Variants in VAMP4 observed in about 807,000 individuals in gnomAD.
The protein encoded by VAMP4 is vesicle-associated membrane protein 4.
In VAMP4, 19 loss-of-function variants were observed where a neutral mutation model predicts 23.5. The observed-to-expected ratio is 0.81, with a 90% CI of 0.56 to 1.19. The LOEUF (loss-of-function observed/expected upper bound fraction) is 1.19, where lower values mean the gene tolerates loss of function less well. Ranked by LOEUF, VAMP4 falls within the 50% of genes most tolerant of loss-of-function variation. VAMP4 has a pLI of 0.00. For missense variants in VAMP4, 145 were observed against 168.6 expected, an observed-to-expected ratio of 0.86 and a Z score of 0.78; for synonymous variants, 31 against 51.0, an observed-to-expected ratio of 0.61 and a Z score of 1.67.
chr1:171,729,984 C>T (rs995573273), intron 2 of VAMP4, among the ~76,000 whole-genome samples: 1 of 152,004 alleles, frequency 6.6e-6, no homozygotes, highest in Non-Finnish European at 1.5e-5. Context: ...CAGAGACAGA[C>T]AGACATTACA....
intron 6 of VAMP4, 90 bp from the exon 7 acceptor site, chr1:171,706,508 A>G: frequency 8.1e-7 from 1 of 1,235,004 alleles, no homozygotes; most frequent in Non-Finnish European, 1.1e-6. Context: ...ATCATACTAA[A>G]TCATCTCATC....
intron 6 of VAMP4, 78 bp from the exon 7 acceptor site, chr1:171,706,496 G>C: frequency 1.5e-6 from 2 of 1,351,018 alleles, no homozygotes; most frequent in Non-Finnish European, 2.0e-6. Context: ...TCTATTTACT[G>C]CATCATACTA....
chr1:171,701,944 A>C lies in VAMP4; in HGVS notation c.*2562T>G, dbSNP rs917107106. 5 of 152,284 alleles carry C rather than the reference A, an allele frequency of 3.3e-5. No individual in the cohort carries two copies. The highest frequency in any genetic ancestry group is 5.9e-5 in the Non-Finnish European group (4 of 67,968). 9.4% of individuals were successfully genotyped at this position (152,284 alleles called of 1,614,324 possible). A position where few individuals can be genotyped will look rare whatever the true frequency, so the allele number is the denominator to read the frequency against. ...TCACAAAGGTATGGATTCAGGCATC[A>C]AAATAGTGACGTGATTTCACTGAGT... On this transcript the variant is annotated 3_prime_UTR_variant, in exon 8 of 8. Coordinates refer to ENST00000236192, the MANE Select transcript of VAMP4 (RefSeq NM_003762.5).
intron 1 of VAMP4, among the ~76,000 whole-genome samples, chr1:171,739,390 C>A (rs1012677909): frequency 6.6e-6 from 1 of 152,226 alleles, no homozygotes; most frequent in African/African-American, 2.4e-5. Flanking sequence ...CACAGAAGCT[C>A]TGTACCCCTT....
chr1:171,724,151 G>GGATGAGTT (rs1219542317), intron 3 of VAMP4, among the ~76,000 whole-genome samples: 6 of 152,056 alleles, frequency 3.9e-5, no homozygotes, highest in Non-Finnish European at 8.8e-5. Flanking sequence ...CCATAAAAAA[G>GGATGAGTT]GATGAGTTCA....
At chr1:171,728,776 A>T (rs1425491580) in intron 2 of VAMP4, among the ~76,000 whole-genome samples, 1 of 152,238 alleles carries the variant, frequency 6.6e-6, no homozygotes, top group African/African-American at 2.4e-5. Flanking sequence ...GCTCATAATT[A>T]TAGAATCCTA....
At chr1:171,706,135 G>A (rs934203977) in intron 7 of VAMP4, among the ~76,000 whole-genome samples, 1 of 151,940 alleles carries the variant, frequency 6.6e-6, no homozygotes, top group Non-Finnish European at 1.5e-5. Context: ...TCTGACAAAA[G>A]ATATAGACCC....
intron 1 of VAMP4, among the ~76,000 whole-genome samples, chr1:171,738,944 G>C (rs961560604): frequency 6.6e-6 from 1 of 152,162 alleles, no homozygotes; most frequent in South Asian, 2.1e-4. Flanking sequence ...AAAATATTCT[G>C]CAAACTATAA....
chr1:171,717,974 G>T (rs1160159154), intron 4 of VAMP4, among the ~76,000 whole-genome samples: 3 of 152,092 alleles, frequency 2.0e-5, no homozygotes, highest in Non-Finnish European at 4.4e-5. Flanking sequence ...TCCTGAGTTG[G>T]TCATACCTGG....
At chr1:171,738,608 G>A in intron 1 of VAMP4, 145 bp from the exon 2 acceptor site, 1 of 579,792 alleles carries the variant, frequency 1.7e-6, no homozygotes, top group Non-Finnish European at 3.0e-6. Context: ...TTCCACTCCA[G>A]TGACTGGGGC....
chr1:171,715,115 G>A (rs57089756), intron 4 of VAMP4, among the ~76,000 whole-genome samples: 10,096 of 152,236 alleles, frequency 0.066, 470 homozygotes, highest in African/African-American at 0.13. Context: ...GGATGTGGGT[G>A]AAGGAATTGG....
intron 4 of VAMP4, among the ~76,000 whole-genome samples, chr1:171,712,672 C>T (rs1391590475): frequency 6.6e-6 from 1 of 152,118 alleles, no homozygotes; most frequent in Non-Finnish European, 1.5e-5. Flanking sequence ...TGAAAGAACC[C>T]CTAAATCTCT....
chr1:171,727,173 G>A (rs1655398795), intron 3 of VAMP4, among the ~76,000 whole-genome samples: 1 of 141,960 alleles, frequency 7.0e-6, no homozygotes, highest in Non-Finnish European at 1.5e-5. Flanking sequence ...CCAGTAGTTT[G>A]AAGCTGTGGT....
chr1:171,701,867 T>G lies in VAMP4; in HGVS notation c.*2639A>C, dbSNP rs1429688219. 2.6e-5 allele frequency: 4 copies of G among 152,146 alleles called. No individual in the cohort carries two copies. The highest frequency in any genetic ancestry group is 5.9e-5 in the Non-Finnish European group (4 of 67,974). The allele number at this position is 152,146 out of a possible 1,614,324, so 9.4% of individuals were successfully genotyped here. On this transcript the variant is annotated 3_prime_UTR_variant, in exon 8 of 8. Coordinates refer to ENST00000236192, the MANE Select transcript of VAMP4 (RefSeq NM_003762.5). ...AGAAGGAGTAACCAATTAATCAGTATTATAACAACAAAATTGCTGCAAGGC... is the reference window on the plus strand; with the variant it reads ...AGAAGGAGTAACCAATTAATCAGTAGTATAACAACAAAATTGCTGCAAGGC...
chr1:171,727,623 A>G (rs1466514267), intron 3 of VAMP4, among the ~76,000 whole-genome samples: 1 of 152,216 alleles, frequency 6.6e-6, no homozygotes, highest in East Asian at 1.9e-4. Context: ...AATAGCATAT[A>G]TCCACACAAA....
rs1654468222 is a variant in VAMP4, at chr1:171,702,020, G to A, written c.*2486C>T. The A allele has an allele frequency of 6.6e-6, 1 of 151,994 alleles. No homozygotes were observed. Among genetic ancestry groups the A allele is most frequent in the Admixed American group, 6.5e-5 (1 of 15,268 alleles). The allele number at this position is 151,994 out of a possible 1,614,324, so 9.4% of individuals were successfully genotyped here. On this transcript the variant is annotated 3_prime_UTR_variant, in exon 8 of 8. Coordinates refer to ENST00000236192, the MANE Select transcript of VAMP4 (RefSeq NM_003762.5). ...TGAATTTTTCTGTTGATCTTCACTT[G>A]TTGTTAAATAATGATAGTTTTGATG...
rs187459798 is a variant in VAMP4 at position 171,701,760 on chromosome 1, T to A, written c.*2746A>T. 2 of 152,110 alleles carry A rather than the reference T, an allele frequency of 1.3e-5. No individual in the cohort carries two copies. The highest frequency in any genetic ancestry group is 2.4e-5 in the African/African-American group (1 of 41,444). 9.4% of individuals were successfully genotyped at this position (152,110 alleles called of 1,614,324 possible). A position where few individuals can be genotyped will look rare whatever the true frequency, so the allele number is the denominator to read the frequency against. ...TTATCTAATTAAGAAATCCCCCAGT[T>A]TATAAAATCTGAGGGCAATTTCCAG... On this transcript the variant is annotated 3_prime_UTR_variant, in exon 8 of 8. Coordinates refer to ENST00000236192, the MANE Select transcript of VAMP4 (RefSeq NM_003762.5).
rs565376519 is a variant in VAMP4 at position 171,702,149 on chromosome 1, A to G, written c.*2357T>C. 6.6e-6 allele frequency: 1 copy of G among 152,064 alleles called. No individual in the cohort carries two copies. Among genetic ancestry groups the G allele is most frequent in the Non-Finnish European group, 1.5e-5 (1 of 67,930 alleles). The allele number at this position is 152,064 out of a possible 1,614,324, so 9.4% of individuals were successfully genotyped here. ...TAGGCCTGGCATCAGTTTGAACAAT[A>G]TATTTTTTTCTTCTGTTTTTGATCG... is the stretch of plus-strand genomic sequence containing the variant. On this transcript the variant is annotated 3_prime_UTR_variant, in exon 8 of 8. Coordinates refer to ENST00000236192, the MANE Select transcript of VAMP4 (RefSeq NM_003762.5).
intron 2 of VAMP4, 80 bp downstream of exon 2, chr1:171,738,269 G>T: frequency 1.3e-6 from 2 of 1,550,144 alleles, no homozygotes; most frequent in Non-Finnish European, 1.8e-6. Flanking sequence ...CGCCCGGATG[G>T]TTTTTCTTCT....
Sources: gnomAD v4.1 joint callset for allele counts (sites outside exome capture counted in the v4.1 genomes callset) on GRCh38, gnomAD v4.1.1 for gene constraint, MANE v1.5 for transcripts, NCBI Gene and HGNC (gene_info 2026-07-23, HGNC 2026-07-21) for gene names.